The following CSF2RA variants were observed in gnomAD, a reference collection of about 807,000 sequenced individuals.
The protein encoded by CSF2RA is colony stimulating factor 2 receptor subunit alpha.
In CSF2RA, 42 loss-of-function variants were observed where a neutral mutation model predicts 51.6. The ratio of observed to expected loss-of-function variants is 0.81; its 90% CI spans 0.64 to 1.05. The LOEUF is 1.05. Among genes scored for constraint, CSF2RA ranks in the 50% least tolerant of loss-of-function variants. The pLI is 0.00. For synonymous variants in CSF2RA, 222 were observed against 193.0 expected (o/e 1.15, Z -1.24); for missense variants, 530 against 501.1 (o/e 1.06, Z -0.55).
chrX:1,288,871 G>GTA lies in CSF2RA; in HGVS notation c.457_458dup (p.Ile154ThrfsTer34). On this transcript the variant is annotated frameshift_variant, in exon 6 of 13. Transcript: ENST00000381529. LOFTEE classifies it high-confidence loss of function. ...CCCCCCGTGACGTCCAGTATTTTTT[G>GTA]TACATACGAAACTCAAAGTAAGTGT... 6.2e-7 allele frequency: 1 copy of GTA among 1,611,326 alleles called. No homozygotes were observed. The highest frequency in any genetic ancestry group is 2.2e-5 in the East Asian group (1 of 44,716).
intron 6 of CSF2RA, among the ~76,000 whole-genome samples, chrX:1,289,996 T>A (rs2091225175): frequency 6.6e-6 from 1 of 151,094 alleles, no homozygotes; most frequent in South Asian, 2.1e-4. Flanking sequence ...TGTGTTTTTG[T>A]TTTGTGTTTT....
the CSF2RA span, among the ~76,000 whole-genome samples, chrX:1,318,742 C>A: frequency 2.0e-5 from 3 of 150,682 alleles, no homozygotes; most frequent in Non-Finnish European, 4.4e-5. Flanking sequence ...ACGGTGAAAC[C>A]CCATCTCTAC....
chrX:1,324,439 GA>G, the CSF2RA span, among the ~76,000 whole-genome samples: 7 of 78,958 alleles, frequency 8.9e-5, no homozygotes, highest in African/African-American at 2.0e-4. Flanking sequence ...AAGAGAGAGA[GA>G]AAAAAGAAAG....
chrX:1,280,194 G>T (rs1167181839), intron 2 of CSF2RA, among the ~76,000 whole-genome samples: 2 of 152,062 alleles, frequency 1.3e-5, no homozygotes, highest in African/African-American at 4.8e-5. Context: ...TACAAAGGCC[G>T]GGTGCAGTGG....
chrX:1,275,226 G>C (rs1451863298), intron 2 of CSF2RA, among the ~76,000 whole-genome samples: 1 of 151,800 alleles, frequency 6.6e-6, no homozygotes, highest in Non-Finnish European at 1.5e-5. Context: ...CCCCATCTCT[G>C]CTAAAAATAC....
intron 10 of CSF2RA, 86 bp downstream of exon 10, chrX:1,300,712 C>T (rs140393281): frequency 6.9e-5 from 108 of 1,569,026 alleles, no homozygotes; most frequent in Admixed American, 1.5e-4. Context: ...CTGTCCTGGG[C>T]GCTGAGATCG....
the CSF2RA span, among the ~76,000 whole-genome samples, chrX:1,324,452 A>G: frequency 1.5e-5 from 2 of 133,026 alleles, no homozygotes; most frequent in African/African-American, 6.0e-5. Flanking sequence ...AAAAGAAAGA[A>G]AAAGAAAGAG....
chrX:1,314,448 AATTGC>A (rs2084377542), downstream of CSF2RA, among the ~76,000 whole-genome samples: 1 of 147,628 alleles, frequency 6.8e-6, no homozygotes, highest in South Asian at 2.1e-4. Context: ...GCACTTGCCC[AATTGC>A]ACTGCACCTG....
At chrX:1,289,681 GTGTT>G (rs1458991239) in intron 6 of CSF2RA, among the ~76,000 whole-genome samples, 3 of 137,576 alleles carry the variant, frequency 2.2e-5, no homozygotes, top group East Asian at 2.3e-4. Context: ...GTTTTGTGTT[GTGTT>G]TGTTTTTGTT....
intron 2 of CSF2RA, among the ~76,000 whole-genome samples, chrX:1,281,588 G>C (rs1434206119): frequency 6.6e-6 from 1 of 151,158 alleles, no homozygotes; most frequent in African/African-American, 2.4e-5. Flanking sequence ...TTTGCATAAA[G>C]AAGTATCAAA....
intron 4 of CSF2RA, chrX:1,287,151 T>TC (rs1251460550): frequency 2.1e-5 from 3 of 144,690 alleles, no homozygotes; most frequent in Admixed American, 1.4e-4. Context: ...GACATACTTT[T>TC]TTTTTTTTTT....
At chrX:1,302,796 C>T (rs756839077) in intron 10 of CSF2RA, 51 of 322,356 alleles carry the variant, frequency 1.6e-4, no homozygotes, top group African/African-American at 1.0e-3. Context: ...CAGGCTCAAG[C>T]GATTCTCCTG....
chrX:1,307,367 T>A (rs1418518993), intron 12 of CSF2RA, among the ~76,000 whole-genome samples: 1 of 150,316 alleles, frequency 6.7e-6, no homozygotes, highest in Non-Finnish European at 1.5e-5. Flanking sequence ...CACCTTCGAC[T>A]GATTAGATGA....
intron 2 of CSF2RA, among the ~76,000 whole-genome samples, chrX:1,277,106 A>G (rs2089280929): frequency 7.0e-6 from 1 of 142,814 alleles, no homozygotes; most frequent in African/African-American, 2.4e-5. Flanking sequence ...CTCTAAATAA[A>G]TAAATAAAGC....
the CSF2RA span, among the ~76,000 whole-genome samples, chrX:1,322,689 G>A: frequency 3.3e-5 from 5 of 151,730 alleles, no homozygotes; most frequent in African/African-American, 1.2e-4. Context: ...ACAGAGCGAC[G>A]TCCTTCCTCC....
the CSF2RA span, among the ~76,000 whole-genome samples, chrX:1,322,443 T>TTG: frequency 1.3e-5 from 1 of 79,830 alleles, no homozygotes; most frequent in African/African-American, 5.1e-5. Flanking sequence ...GTGTTTGTTT[T>TTG]TTTTTTTTTT....
intron 12 of CSF2RA, chrX:1,305,818 T>G: frequency 9.1e-6 from 14 of 1,541,500 alleles, no homozygotes; most frequent in Non-Finnish European, 1.2e-5. Context: ...CGGTGGCTCA[T>G]GCCTGTCATC....
At chrX:1,314,914 C>T (rs766687019), downstream of CSF2RA, among the ~76,000 whole-genome samples, 24 of 85,642 alleles carry the variant, frequency 2.8e-4, 1 homozygote, top group Middle Eastern at 0.015. Context: ...AACCCCACTT[C>T]ACCTGCCCAA....
intron 9 of CSF2RA, 182 bp from the exon 10 acceptor site, chrX:1,300,309 G>A (rs1339100369): frequency 2.8e-6 from 2 of 701,844 alleles, no homozygotes; most frequent in Non-Finnish European, 4.8e-6. Context: ...TACTAACGAG[G>A]CTTGACTCTG....
Sources: allele counts gnomAD v4.1 joint callset (sites outside exome capture counted in the v4.1 genomes callset), GRCh38; gene constraint gnomAD v4.1.1; transcripts MANE v1.5; gene names NCBI Gene and HGNC (gene_info 2026-07-23, HGNC 2026-07-21).